The following CSMD1 variants were observed in gnomAD, a reference collection of about 807,000 sequenced individuals.
The protein encoded by CSMD1 is CUB and Sushi multiple domains 1, also known as CUB and sushi domain-containing protein 1.
A neutral mutation model predicts 417.5 loss-of-function variants in CSMD1; 213 were observed. The ratio of observed to expected loss-of-function variants is 0.51; its 90% CI spans 0.46 to 0.57. The LOEUF (loss-of-function observed/expected upper bound fraction) is 0.57, where lower values mean the gene tolerates loss of function less well. Ranked by LOEUF, CSMD1 falls within the 20% of genes least tolerant of loss-of-function variation. The pLI, the probability that CSMD1 is intolerant of heterozygous loss-of-function variation, is 0.00. For synonymous variants in CSMD1, 2,862 were observed against 1,736.8 expected, an observed-to-expected ratio of 1.65 and a Z score of -16.11; for missense variants, 6,923 against 4,529.7, an observed-to-expected ratio of 1.53 and a Z score of -15.17.
At chr8:3,179,230 C>T (rs560018324) in intron 37 of CSMD1, among the ~76,000 whole-genome samples, 6 of 152,154 alleles carry the variant, frequency 3.9e-5, no homozygotes, top group South Asian at 2.1e-4. Flanking sequence ...CAGGCGTGAG[C>T]CACCGCGCCC....
intron 3 of CSMD1, among the ~76,000 whole-genome samples, chr8:4,282,851 C>T (rs536057531): frequency 1.3e-5 from 2 of 152,038 alleles, no homozygotes; most frequent in African/African-American, 2.4e-5. Context: ...ATCTGACAAA[C>T]GTTCATTTTC....
intron 1 of CSMD1, among the ~76,000 whole-genome samples, chr8:4,898,732 TCTGA>T (rs1165467402): frequency 1.3e-5 from 2 of 152,210 alleles, no homozygotes; most frequent in African/African-American, 2.4e-5. Flanking sequence ...TGAAAACCTC[TCTGA>T]CTTTCATGTA....
At chr8:4,256,292 G>A (rs377735643) in intron 3 of CSMD1, among the ~76,000 whole-genome samples, 1 of 152,288 alleles carries the variant, frequency 6.6e-6, no homozygotes, top group South Asian at 2.1e-4. Context: ...TTATGATGCA[G>A]AGTGAAATGT....
At chr8:4,299,671 G>C (rs181869256) in intron 3 of CSMD1, among the ~76,000 whole-genome samples, 1 of 152,040 alleles carries the variant, frequency 6.6e-6, no homozygotes, top group African/African-American at 2.4e-5. Context: ...GTCTCATTCT[G>C]TCGCCAGGCT....
At chr8:3,492,492 AG>A (rs1225781729) in intron 11 of CSMD1, among the ~76,000 whole-genome samples, 3 of 152,216 alleles carry the variant, frequency 2.0e-5, no homozygotes, top group Non-Finnish European at 4.4e-5. Context: ...AGTGGTTTCA[AG>A]ATCTACAACA....
At chr8:4,019,000 T>A (rs1009000537) in intron 4 of CSMD1, among the ~76,000 whole-genome samples, 1 of 152,258 alleles carries the variant, frequency 6.6e-6, no homozygotes. Flanking sequence ...TTACCACACT[T>A]TCTTAAAATC....
intron 1 of CSMD1, among the ~76,000 whole-genome samples, chr8:4,707,307 A>G (rs1178986635): frequency 1.3e-5 from 2 of 152,122 alleles, no homozygotes; most frequent in Non-Finnish European, 2.9e-5. Context: ...AAGCTTGGAG[A>G]AGTTAAATTA....
At chr8:4,810,484 T>C (rs1206645073) in intron 1 of CSMD1, among the ~76,000 whole-genome samples, 1 of 152,196 alleles carries the variant, frequency 6.6e-6, no homozygotes, top group African/African-American at 2.4e-5. Context: ...TCATGTTTGA[T>C]GTTATTATTT....
chr8:4,271,273 G>A (rs569677244), intron 3 of CSMD1, among the ~76,000 whole-genome samples: 1 of 152,160 alleles, frequency 6.6e-6, no homozygotes, highest in African/African-American at 2.4e-5. Context: ...AGCTGTAGGG[G>A]TTGGTGCCCT....
intron 1 of CSMD1, among the ~76,000 whole-genome samples, chr8:4,763,980 A>T (rs1188252051): frequency 6.6e-6 from 1 of 152,184 alleles, no homozygotes; most frequent in African/African-American, 2.4e-5. Flanking sequence ...TCAGACCCTG[A>T]TAGAAAACCA....
At chr8:3,942,181 C>A (rs2407188) in intron 5 of CSMD1, among the ~76,000 whole-genome samples, 58,478 of 151,570 alleles carry the variant, frequency 0.39, 11,429 homozygotes, top group East Asian at 0.48. Flanking sequence ...AAGGTGTGGG[C>A]TCCCACTGAT....
chr8:4,798,035 T>C (rs1012032610), intron 1 of CSMD1, among the ~76,000 whole-genome samples: 1 of 152,252 alleles, frequency 6.6e-6, no homozygotes, highest in Non-Finnish European at 1.5e-5. Flanking sequence ...TATTATACTT[T>C]AAGTTCTAGG....
At chr8:4,804,289 C>G (rs537620601) in intron 1 of CSMD1, among the ~76,000 whole-genome samples, 187 of 152,136 alleles carry the variant, frequency 1.2e-3, no homozygotes, top group Non-Finnish European at 2.3e-3. Context: ...GGAAAACCAA[C>G]AGAGCAGAAG....
At chr8:4,057,851 C>T (rs1237995388) in intron 3 of CSMD1, among the ~76,000 whole-genome samples, 1 of 152,110 alleles carries the variant, frequency 6.6e-6, no homozygotes, top group African/African-American at 2.4e-5. Context: ...TGTAGATATG[C>T]AGCATTATTT....
At chr8:4,947,986 T>G (rs527398786) in intron 1 of CSMD1, among the ~76,000 whole-genome samples, 322 of 152,206 alleles carry the variant, frequency 2.1e-3, no homozygotes, top group African/African-American at 7.0e-3. Flanking sequence ...TAAAAAAATC[T>G]GCTGTATGAA....
At chr8:3,608,835 G>A (rs970196539) in intron 8 of CSMD1, among the ~76,000 whole-genome samples, 1 of 151,844 alleles carries the variant, frequency 6.6e-6, no homozygotes, top group Non-Finnish European at 1.5e-5. Flanking sequence ...GATCCGTGGT[G>A]CCAATTACAA....
chr8:3,736,196 A>T (rs1796512415), intron 6 of CSMD1, among the ~76,000 whole-genome samples: 1 of 151,970 alleles, frequency 6.6e-6, no homozygotes, highest in African/African-American at 2.4e-5. Flanking sequence ...GTGTATTAAC[A>T]CAATTTGATT....
chr8:3,308,560 A>T (rs6558762), intron 23 of CSMD1, 57 bp from the exon 24 acceptor site: 2 of 1,409,042 alleles, frequency 1.4e-6, no homozygotes, highest in Non-Finnish European at 2.0e-6. Flanking sequence ...TCTGCCTTAA[A>T]ACAGAGATGA....
intron 8 of CSMD1, among the ~76,000 whole-genome samples, chr8:3,605,088 A>G (rs977918011): frequency 6.6e-6 from 1 of 152,152 alleles, no homozygotes; most frequent in African/African-American, 2.4e-5. Context: ...TCAGCCTCCC[A>G]GGTTCAAGTG....
Sources: allele counts gnomAD v4.1 joint callset (sites outside exome capture counted in the v4.1 genomes callset), GRCh38; gene constraint gnomAD v4.1.1; transcripts MANE v1.5; gene names NCBI Gene and HGNC (gene_info 2026-07-23, HGNC 2026-07-21).